Variants in FAM227B observed in about 807,000 individuals in gnomAD.
The protein encoded by FAM227B is protein FAM227B.
In FAM227B, 88 loss-of-function variants were observed where a neutral mutation model predicts 73.8. That is an observed-to-expected ratio of 1.19 (90% CI 1.00 to 1.42). The LOEUF (loss-of-function observed/expected upper bound fraction) is 1.42. Ranked by LOEUF, FAM227B falls within the 40% of genes most tolerant of loss-of-function variation. FAM227B has a pLI of 0.00. For synonymous variants in FAM227B, 210 were observed against 190.5 expected (o/e 1.10, Z -0.84); for missense variants, 632 against 590.9 (o/e 1.07, Z -0.72).
Position 49,412,302 on chromosome 15 carries a change from A to T in FAM227B, c.1013-40903T>A, listed in dbSNP as rs1043834335. 2.0e-5 allele frequency among the ~76,000 whole-genome samples: 3 copies of T among 152,192 alleles called. No individual in the cohort carries two copies. The East Asian group carries it at 5.8e-4, about 29-fold the overall frequency. ...GGCATTAGACAATATTTTAGTTTTA[A>T]CATATTCTTTTTGTTGTGCAATACA... On this transcript the variant is annotated intron_variant, in intron 11 of 15. Coordinates refer to ENST00000299338, the MANE Select transcript of FAM227B (RefSeq NM_152647.3).
chr15:49,332,198 T>A lies in FAM227B; in HGVS notation c.1350-349A>T, dbSNP rs560503782. On this transcript the variant is annotated intron_variant, in intron 14 of 15. Coordinates refer to ENST00000299338, the MANE Select transcript of FAM227B (RefSeq NM_152647.3). ...CTCAAGCCTTCAGTTCCACCCACTG[T>A]GTGGTTCTCATCCCAGCAGTGGCAC... Among the ~76,000 whole-genome samples the A allele has an allele frequency of 1.3e-5, 2 of 152,104 alleles. 1 individual carries two copies. Among genetic ancestry groups the A allele is most frequent in the South Asian group, 4.1e-4 (2 of 4,824 alleles).
chr15:49,367,157 C>G lies in FAM227B; in HGVS notation c.1271+291G>C, dbSNP rs2045352386. 2.0e-5 allele frequency among the ~76,000 whole-genome samples: 3 copies of G among 152,110 alleles called. 1 individual carries two copies. The highest frequency in any genetic ancestry group is 7.2e-5 in the African/African-American group (3 of 41,418). ...CAAATGTTTGAAACCAGTCACTGAA[C>G]AGTAAAGTTGCAAAGATAGCCTTTT... is the stretch of plus-strand genomic sequence containing the variant. On this transcript the variant is annotated intron_variant, in intron 13 of 15. Transcript: ENST00000299338.
At chr15:49,455,954 T>A (rs774157277) in intron 11 of FAM227B, among the ~76,000 whole-genome samples, 5 of 152,130 alleles carry the variant, frequency 3.3e-5, no homozygotes, top group African/African-American at 9.7e-5. Flanking sequence ...CTATGTTGTT[T>A]AGGGGAGTAT....
At chr15:49,489,865 TATATATATATATATATATAGAGAG>T (rs1567383048) in intron 11 of FAM227B, among the ~76,000 whole-genome samples, 157 of 10,438 alleles carry the variant, frequency 0.015, 1 homozygote, top group Non-Finnish European at 0.027. Context: ...ATATTTTATA[TATATATATATATATATATAGAGAG>T]AGAGAGAGAG....
intron 7 of FAM227B, 115 bp downstream of exon 7, chr15:49,576,626 C>T (rs2075460044): frequency 4.6e-6 from 3 of 650,072 alleles, no homozygotes; most frequent in Middle Eastern, 4.2e-4. Context: ...AAATTTAATG[C>T]CCAAAGGATC....
At chr15:49,608,058 A>G (rs2077636287) in intron 3 of FAM227B, among the ~76,000 whole-genome samples, 1 of 152,204 alleles carries the variant, frequency 6.6e-6, no homozygotes, top group African/African-American at 2.4e-5. Context: ...CCGAAAGAAA[A>G]TCAACACTAC....
At chr15:49,578,867 A>T (rs2075634635) in intron 5 of FAM227B, among the ~76,000 whole-genome samples, 1 of 152,232 alleles carries the variant, frequency 6.6e-6, no homozygotes, top group Non-Finnish European at 1.5e-5. Flanking sequence ...GTGATGACAC[A>T]ACCTTTGTAA....
chr15:49,529,302 A>T (rs1171046530), intron 10 of FAM227B, among the ~76,000 whole-genome samples: 1 of 151,516 alleles, frequency 6.6e-6, no homozygotes, highest in Non-Finnish European at 1.5e-5. Flanking sequence ...TAAAAAAAAG[A>T]CACTGAGGAC....
At chr15:49,409,355 T>C (rs1011398550) in intron 11 of FAM227B, among the ~76,000 whole-genome samples, 1 of 152,112 alleles carries the variant, frequency 6.6e-6, no homozygotes, top group Non-Finnish European at 1.5e-5. Context: ...GGCTTCAGAT[T>C]AGCCCTTCTG....
At chr15:49,533,107 TTCC>T (rs2060738193) in intron 10 of FAM227B, among the ~76,000 whole-genome samples, 1 of 151,970 alleles carries the variant, frequency 6.6e-6, no homozygotes, top group African/African-American at 2.4e-5. Context: ...TTTTCATTTT[TTCC>T]TCAAGATATT....
chr15:49,550,189 T>A (rs534783389), intron 9 of FAM227B, among the ~76,000 whole-genome samples: 2 of 110,230 alleles, frequency 1.8e-5, no homozygotes, highest in Non-Finnish European at 3.7e-5. Context: ...CTGGACGGGG[T>A]GGCTGGCCGG....
chr15:49,415,544 C>T (rs2049154188), intron 11 of FAM227B, among the ~76,000 whole-genome samples: 1 of 152,076 alleles, frequency 6.6e-6, no homozygotes, highest in South Asian at 2.1e-4. Context: ...AAACTAGTAG[C>T]TCCAACTAGA....
At chr15:49,542,601 A>G (rs1459639657) in intron 9 of FAM227B, among the ~76,000 whole-genome samples, 3 of 151,420 alleles carry the variant, frequency 2.0e-5, no homozygotes, top group African/African-American at 7.3e-5. Context: ...TTGGTTTTCC[A>G]TTCTTGAGTT....
At chr15:49,471,588 T>C (rs2054772784) in intron 11 of FAM227B, among the ~76,000 whole-genome samples, 1 of 151,668 alleles carries the variant, frequency 6.6e-6, no homozygotes, top group Admixed American at 6.6e-5. Context: ...TGTAGAGTAC[T>C]GAACATAGTT....
chr15:49,403,379 A>G (rs2048305223), intron 11 of FAM227B, among the ~76,000 whole-genome samples: 1 of 152,176 alleles, frequency 6.6e-6, no homozygotes, highest in Admixed American at 6.5e-5. Flanking sequence ...GAATTCAGCT[A>G]TGAATCTGGT....
At chr15:49,426,733 G>A (rs1342751117) in intron 11 of FAM227B, among the ~76,000 whole-genome samples, 1 of 151,670 alleles carries the variant, frequency 6.6e-6, no homozygotes, top group African/African-American at 2.4e-5. Context: ...GAAAAAAAAA[G>A]GAAGTCGCCC....
intron 11 of FAM227B, among the ~76,000 whole-genome samples, chr15:49,497,535 C>G (rs111426725): frequency 4.2e-4 from 64 of 152,238 alleles, no homozygotes; most frequent in African/African-American, 1.5e-3. Context: ...ACTCACTGAC[C>G]ACTAACTGAT....
intron 11 of FAM227B, among the ~76,000 whole-genome samples, chr15:49,412,863 T>C (rs1421174901): frequency 6.6e-6 from 1 of 152,114 alleles, no homozygotes. Flanking sequence ...AATTTCAAGA[T>C]GCTTCTTGGT....
intron 9 of FAM227B, among the ~76,000 whole-genome samples, chr15:49,550,420 G>C (rs1298159838): frequency 6.6e-6 from 1 of 151,892 alleles, no homozygotes; most frequent in Non-Finnish European, 1.5e-5. Flanking sequence ...GTGGCTGCTG[G>C]GCGGAGACGC....
Sources: allele counts gnomAD v4.1 joint callset (sites outside exome capture counted in the v4.1 genomes callset), GRCh38; gene constraint gnomAD v4.1.1; transcripts MANE v1.5; gene names NCBI Gene and HGNC (gene_info 2026-07-23, HGNC 2026-07-21).